PHKA2: variants seen among roughly 807,000 people sequenced by gnomAD.
The protein encoded by PHKA2 is phosphorylase kinase regulatory subunit alpha 2, also known as phosphorylase b kinase regulatory subunit alpha, liver isoform.
PHKA2 carries 31 observed loss-of-function variants against 102.0 expected under a neutral mutation model. That is an observed-to-expected ratio of 0.30 (90% CI 0.23 to 0.41). The LOEUF (loss-of-function observed/expected upper bound fraction) is 0.41, where lower values mean the gene tolerates loss of function less well. PHKA2 is among the 10% of genes least tolerant of loss of function. The pLI, the probability that PHKA2 is intolerant of heterozygous loss-of-function variation, is 1.00. For missense variants in PHKA2, 858 were observed against 1,023.1 expected, an observed-to-expected ratio of 0.84 and a Z score of 2.20; for synonymous variants, 455 against 416.2, an observed-to-expected ratio of 1.09 and a Z score of -1.13.
At chrX:18,899,272 G>C in intron 28 of PHKA2, 46 bp from the exon 29 acceptor site, 1 of 1,052,298 alleles carries the variant, frequency 9.5e-7, no homozygotes, top group South Asian at 1.9e-5. Flanking sequence ...ATGACACCAA[G>C]AGACACAGCA....
In PHKA2 at chrX:18,934,212, C is replaced by T. The variant is rs1011163276; in HGVS notation, c.1137+1843G>A. Among the ~76,000 whole-genome samples the T allele has an allele frequency of 2.7e-5, 3 of 112,026 alleles. No individual in the cohort carries two copies. The Admixed American group carries it at 2.8e-4, about 11-fold the overall frequency. ...GCCCCAACCCACATACCGCAGCACG[C>T]GTACTAAAAGGAATACATTTATTTG... On this transcript the variant is annotated intron_variant, in intron 11 of 32. Coordinates refer to ENST00000379942, the MANE Select transcript of PHKA2 (RefSeq NM_000292.3).
At chrX:18,930,737 C>T (rs1018101989) in intron 12 of PHKA2, among the ~76,000 whole-genome samples, 8 of 111,492 alleles carry the variant, frequency 7.2e-5, no homozygotes, top group African/African-American at 2.6e-4. Context: ...AGGACATGAC[C>T]ATGACACTGG....
At chrX:18,953,009 G>T (rs6527880) in intron 2 of PHKA2, among the ~76,000 whole-genome samples, 19,694 of 111,655 alleles carry the variant, frequency 0.18, 3,918 homozygotes, top group African/African-American at 0.58. Context: ...CTGAATAATA[G>T]GATTTATTGT....
At chrX:18,935,359 A>G (rs1369947768) in intron 11 of PHKA2, among the ~76,000 whole-genome samples, 2 of 111,828 alleles carry the variant, frequency 1.8e-5, no homozygotes, top group African/African-American at 3.3e-5. Flanking sequence ...TCTAGCTTGC[A>G]AACTGCTTGA....
At chrX:18,957,738 TTATATA>T (rs748964864) in intron 1 of PHKA2, among the ~76,000 whole-genome samples, 47 of 95,144 alleles carry the variant, frequency 4.9e-4, no homozygotes, top group African/African-American at 1.8e-3. Flanking sequence ...TAAAACCAGA[TTATATA>T]TATATATATA....
At chrX:18,964,444 A>C (rs2048910948) in intron 1 of PHKA2, among the ~76,000 whole-genome samples, 1 of 112,301 alleles carries the variant, frequency 8.9e-6, no homozygotes, top group African/African-American at 3.2e-5. Context: ...CTCAGTTTCG[A>C]GGGAAGAAAG....
intron 17 of PHKA2, among the ~76,000 whole-genome samples, chrX:18,923,561 C>T (rs1181603937): frequency 1.8e-5 from 2 of 111,520 alleles, no homozygotes; most frequent in Non-Finnish European, 3.8e-5. Context: ...GCTCATTCCA[C>T]AGAAGGTGAG....
intron 20 of PHKA2, among the ~76,000 whole-genome samples, chrX:18,910,524 C>T (rs921457921): frequency 4.5e-5 from 5 of 111,636 alleles, no homozygotes; most frequent in Non-Finnish European, 9.4e-5. Flanking sequence ...TACTCTGTTC[C>T]CCAAGTAGTC....
chrX:18,918,553 A>AC (rs1453243143), intron 19 of PHKA2, 128 bp downstream of exon 19: 7 of 570,721 alleles, frequency 1.2e-5, no homozygotes, highest in Admixed American at 7.7e-5. Context: ...GAAAGTGGTT[A>AC]CCTCTAAGTA....
At position 18,960,475 on chromosome X, in the gene PHKA2, A is replaced by G. The variant is rs911530187; in HGVS notation, c.79-6063T>C. On this transcript the variant is annotated intron_variant, in intron 1 of 32. Coordinates refer to ENST00000379942, the MANE Select transcript of PHKA2 (RefSeq NM_000292.3). ...TCAGGGAGCTTTTATTCATGGTGGA[A>G]GGCAAAACGGAAGCAGGCACTTCAC... 7.2e-5 allele frequency among the ~76,000 whole-genome samples: 8 copies of G among 111,667 alleles called. No homozygotes were observed. The Admixed American group carries it at 7.7e-4, about 11-fold the overall frequency.
Position 18,948,600 on chromosome X carries a change from TG to T in PHKA2, c.537+143del. 6.0e-6 allele frequency: 3 copies of T among 497,436 alleles called. No individual in the cohort carries two copies. In the Admixed American group the frequency reaches 7.4e-5, roughly 12 times the overall value. The allele number at this position is 497,436 out of a possible 1,213,427, so 41.0% of individuals were successfully genotyped here. A position where few individuals can be genotyped will look rare whatever the true frequency, so the allele number is the denominator to read the frequency against. On this transcript the variant is annotated intron_variant, in intron 5 of 32. Coordinates refer to ENST00000379942, the MANE Select transcript of PHKA2 (RefSeq NM_000292.3). ...TTCCAGGACAAAAATATGCAGTTTG[TG>T]TGTGGAGGTGACACAATCTCATAGC... is the stretch of plus-strand genomic sequence containing the variant.
In PHKA2 at chrX:18,905,873, T is replaced by C; in HGVS notation, c.2807-14A>G. 3.6e-6 allele frequency: 4 copies of C among 1,126,453 alleles called. No individual in the cohort carries two copies. Among genetic ancestry groups the C allele is most frequent in the East Asian group, 3.0e-5 (1 of 33,496 alleles). 92.8% of individuals were successfully genotyped at this position (1,126,453 alleles called of 1,213,427 possible). On this transcript the variant is annotated splice_polypyrimidine_tract_variant and intron_variant, in intron 25 of 32. Transcript: ENST00000379942. Reference sequence around the variant, plus strand: ...AAGCCTCTTCTCCTAAAAACAAATATCTTGTAAGTGTCCCAAACACAGGGC... The same window carrying C: ...AAGCCTCTTCTCCTAAAAACAAATACCTTGTAAGTGTCCCAAACACAGGGC...
chrX:18,923,153 G>A (rs776070242), intron 17 of PHKA2, among the ~76,000 whole-genome samples: 3 of 106,692 alleles, frequency 2.8e-5, no homozygotes, highest in South Asian at 4.3e-4. Context: ...AAGTTCAAGC[G>A]ATTCTCCTGC....
intron 1 of PHKA2, among the ~76,000 whole-genome samples, chrX:18,962,651 TCAAA>T (rs779082679): frequency 3.7e-3 from 407 of 111,464 alleles, no homozygotes; most frequent in African/African-American, 0.012. Context: ...TATACCACAG[TCAAA>T]CAAACAAACA....
intron 26 of PHKA2, among the ~76,000 whole-genome samples, chrX:18,904,184 A>G (rs1393831141): frequency 5.4e-5 from 6 of 111,548 alleles, no homozygotes; most frequent in African/African-American, 2.0e-4. Flanking sequence ...AGACTCAGTG[A>G]TGAGCTGGGG....
At chrX:18,961,716 C>T (rs933077680) in intron 1 of PHKA2, among the ~76,000 whole-genome samples, 1 of 107,233 alleles carries the variant, frequency 9.3e-6, no homozygotes, top group Non-Finnish European at 1.9e-5. Flanking sequence ...TTCTGTTCAG[C>T]CTTTCTTTAG....
Position 18,945,126 on chromosome X carries a change from A to T in PHKA2, c.570T>A (p.Thr190=), listed in dbSNP as rs775169297. The change falls in exon 6 of 33, where the codon ACT becomes ACA. Residue 190 remains threonine, a synonymous_variant. Coordinates refer to ENST00000379942, the MANE Select transcript of PHKA2 (RefSeq NM_000292.3). The part of the protein sequence containing the change: ...DYGMWERGDK[T]NQGIPELNAS... The stretch of plus-strand genomic sequence containing the variant: ...CATTCAATTCCGGGATGCCCTGATT[A>T]GTCTTATCTCCACGCTCCCACATTC... 8.3e-7 allele frequency: 1 copy of T among 1,201,325 alleles called. No individual in the cohort carries two copies. The highest frequency in any genetic ancestry group is 1.1e-6 in the Non-Finnish European group (1 of 885,715).
At chrX:18,983,572 C>CA (rs1050894221) in intron 1 of PHKA2, among the ~76,000 whole-genome samples, 2 of 112,109 alleles carry the variant, frequency 1.8e-5, no homozygotes, top group African/African-American at 6.5e-5. Flanking sequence ...AGAGTCAATG[C>CA]AAAAAGAGGC....
intron 18 of PHKA2, 57 bp downstream of exon 18, chrX:18,919,975 A>T: frequency 2.1e-6 from 2 of 949,902 alleles, no homozygotes. Context: ...ATTTTATCAC[A>T]ATGCTAAAGT....
Sources: allele counts gnomAD v4.1 joint callset (sites outside exome capture counted in the v4.1 genomes callset), GRCh38; gene constraint gnomAD v4.1.1; transcripts MANE v1.5; gene names NCBI Gene and HGNC (gene_info 2026-07-23, HGNC 2026-07-21).